DYSF: variants seen among roughly 807,000 people sequenced by gnomAD.
The protein encoded by DYSF is dysferlin.
DYSF carries 212 observed loss-of-function variants against 274.9 expected under a neutral mutation model. The observed-to-expected ratio is 0.77, with a 90% CI of 0.69 to 0.86. The LOEUF (loss-of-function observed/expected upper bound fraction) is 0.86. Among genes scored for constraint, DYSF ranks in the 40% least tolerant of loss-of-function variants. The pLI, the probability that DYSF is intolerant of heterozygous loss-of-function variation, is 0.00. For missense variants in DYSF, 2,666 were observed against 2,783.2 expected, an observed-to-expected ratio of 0.96 and a Z score of 0.95; for synonymous variants, 1,091 against 1,078.7, an observed-to-expected ratio of 1.01 and a Z score of -0.22.
In DYSF at chr2:71,551,730, G is replaced by A. The variant is rs757667944; in HGVS notation, c.1806+10G>A. The A allele has an allele frequency of 5.0e-6, 8 of 1,593,414 alleles. No homozygotes were observed. Among genetic ancestry groups the A allele is most frequent in the South Asian group, 2.3e-5 (2 of 87,736 alleles). On this transcript the variant is annotated intron_variant, in intron 19 of 55. Coordinates refer to ENST00000410020, the MANE Select transcript of DYSF (RefSeq NM_001130987.2). ...CATCCTCCGGGTGGAGGTGAGGGGT[G>A]TGGCTCTGGGTGGGAGCTGGGCGTC...
intron 22 of DYSF, 119 bp downstream of exon 22, chr2:71,556,190 C>A: frequency 2.4e-6 from 2 of 832,218 alleles, no homozygotes; most frequent in Non-Finnish European, 3.9e-6. Flanking sequence ...GCTTGGCCAG[C>A]AGTCCAGCCC....
At chr2:71,528,989 C>A (rs751561419) in intron 14 of DYSF, among the ~76,000 whole-genome samples, 1 of 152,098 alleles carries the variant, frequency 6.6e-6, no homozygotes, top group Non-Finnish European at 1.5e-5. Flanking sequence ...CCAGCCCTCC[C>A]AGGCTTCAGC....
Position 71,593,130 on chromosome 2 carries a change from T to C in DYSF, c.3574+2842T>C, listed in dbSNP as rs1037164343. Among the ~76,000 whole-genome samples, 527 of 137,090 alleles carry C rather than the reference T, an allele frequency of 3.8e-3. 5 individuals are homozygous for C. Among genetic ancestry groups the C allele is most frequent in the African/African-American group, 0.014 (507 of 35,620 alleles). The allele number at this position is 137,090 out of a possible 152,430, so 89.9% of individuals were successfully genotyped here. On this transcript the variant is annotated intron_variant, in intron 32 of 55. Coordinates refer to ENST00000410020, the MANE Select transcript of DYSF (RefSeq NM_001130987.2). ...GATACTTAATTCAGTGACTTCTTTT[T>C]TTTTTTTTTTTTTTTTTTTGAGACA... is the stretch of plus-strand genomic sequence containing the variant.
chr2:71,656,045 C>G (rs1053144066), intron 42 of DYSF, 117 bp from the exon 43 acceptor site: 5 of 1,321,868 alleles, frequency 3.8e-6, no homozygotes, highest in Non-Finnish European at 5.4e-6. Context: ...TTCCTTCTCT[C>G]TCTTTATTCA....
chr2:71,667,646 TCA>T (rs1026437664), intron 48 of DYSF, 131 bp downstream of exon 48: 2 of 1,414,388 alleles, frequency 1.4e-6, no homozygotes, highest in African/African-American at 2.9e-5. Context: ...ACCCATTTCT[TCA>T]CAGTCTGAGT....
intron 4 of DYSF, among the ~76,000 whole-genome samples, chr2:71,507,144 A>G (rs11686031): frequency 0.68 from 103,543 of 151,976 alleles, 36,472 homozygotes; most frequent in Non-Finnish European, 0.77. Flanking sequence ...ACGGTGTGGA[A>G]GAGTTACACT....
At chr2:71,563,145 G>A (rs777983751) in intron 23 of DYSF, among the ~76,000 whole-genome samples, 1 of 152,208 alleles carries the variant, frequency 6.6e-6, no homozygotes, top group African/African-American at 2.4e-5. Context: ...TGCTGCTGCT[G>A]TGGGTGCCAC....
intron 4 of DYSF, among the ~76,000 whole-genome samples, chr2:71,504,895 A>T (rs1396422975): frequency 6.6e-6 from 1 of 152,100 alleles, no homozygotes; most frequent in African/African-American, 2.4e-5. Context: ...TCTGGGCTTC[A>T]TGTTTACCAG....
At chr2:71,486,912 T>C (rs1018389792) in intron 3 of DYSF, among the ~76,000 whole-genome samples, 6 of 152,354 alleles carry the variant, frequency 3.9e-5, no homozygotes, top group African/African-American at 1.4e-4. Flanking sequence ...TCCAGGTCCC[T>C]GACCAGCTGT....
chr2:71,534,902 C>T (rs2089151032), intron 14 of DYSF, 119 bp from the exon 15 acceptor site: 4 of 1,056,416 alleles, frequency 3.8e-6, no homozygotes, highest in Non-Finnish European at 5.9e-6. Flanking sequence ...CAGGGTCTTA[C>T]ACCCAGCCCT....
chr2:71,513,091 G>A, intron 5 of DYSF, 149 bp from the exon 6 acceptor site: 2 of 755,376 alleles, frequency 2.6e-6, no homozygotes, highest in South Asian at 1.5e-5. Flanking sequence ...AGGAACAGGT[G>A]CCACTGGGCT....
At chr2:71,559,928 G>GT (rs1487038904) in intron 22 of DYSF, among the ~76,000 whole-genome samples, 1 of 152,226 alleles carries the variant, frequency 6.6e-6, no homozygotes, top group Non-Finnish European at 1.5e-5. Flanking sequence ...TTTCAGGCCG[G>GT]ACACTGCCCA....
At chr2:71,571,494 G>GCA (rs2092448695) in intron 29 of DYSF, among the ~76,000 whole-genome samples, 2 of 25,336 alleles carry the variant, frequency 7.9e-5, no homozygotes, top group African/African-American at 2.1e-4. Context: ...CACCCAGCAC[G>GCA]CACAGATCAC....
chr2:71,621,364 A>G (rs2094094875), intron 41 of DYSF, among the ~76,000 whole-genome samples: 1 of 152,122 alleles, frequency 6.6e-6, no homozygotes, highest in African/African-American at 2.4e-5. Context: ...GGCTATCGAT[A>G]TACATATTTT....
rs1214113409 is a variant in DYSF, at chr2:71,513,222, G to C, written c.461-18G>C. ...CTCCTCCCTCCCCTCCCGGGGTTATGCCCTGCCCACAAGACAGGCGGGGGA... is the reference window on the plus strand; with the variant it reads ...CTCCTCCCTCCCCTCCCGGGGTTATCCCCTGCCCACAAGACAGGCGGGGGA... On this transcript the variant is annotated intron_variant, in intron 5 of 55. Coordinates refer to ENST00000410020, the MANE Select transcript of DYSF (RefSeq NM_001130987.2). The C allele has an allele frequency of 1.4e-5, 21 of 1,551,104 alleles. No individual in the cohort carries two copies. Among genetic ancestry groups the C allele is most frequent in the Non-Finnish European group, 1.7e-5 (19 of 1,146,588 alleles).
chr2:71,502,079 C>CTGTGTGTG lies in DYSF; in HGVS notation c.240-1099_240-1092dup, dbSNP rs71402986. Among the ~76,000 whole-genome samples the CTGTGTGTG allele has an allele frequency of 5.6e-3, 808 of 143,888 alleles. 8 individuals are homozygous for CTGTGTGTG. Among genetic ancestry groups the CTGTGTGTG allele is most frequent in the African/African-American group, 0.019 (736 of 38,136 alleles). The allele number at this position is 143,888 out of a possible 152,430, so 94.4% of individuals were successfully genotyped here. ...ACTTGTGATTTTTCTCTCCATGACT[C>CTGTGTGTG]TGTGTGTGTGTGTGTGTGTGTGTGT... On this transcript the variant is annotated intron_variant, in intron 3 of 55. Transcript: ENST00000410020.
intron 18 of DYSF, 59 bp from the exon 19 acceptor site, chr2:71,551,548 T>C: frequency 6.8e-7 from 1 of 1,472,268 alleles, no homozygotes; most frequent in Non-Finnish European, 9.3e-7. Flanking sequence ...AGGGTGCCCC[T>C]TTCCTTCCCC....
At chr2:71,555,112 T>C (rs734248) in intron 21 of DYSF, among the ~76,000 whole-genome samples, 104,224 of 151,856 alleles carry the variant, frequency 0.69, 36,676 homozygotes, top group African/African-American at 0.75. Flanking sequence ...GCCATGGTGG[T>C]CCCACCTTCC....
chr2:71,457,103 A>G (rs2081098763), intron 1 of DYSF, among the ~76,000 whole-genome samples: 1 of 152,206 alleles, frequency 6.6e-6, no homozygotes, highest in Admixed American at 6.5e-5. Flanking sequence ...TGTTTCTTGA[A>G]AATCCCACCA....
Sources: gnomAD v4.1 joint callset for allele counts (sites outside exome capture counted in the v4.1 genomes callset) on GRCh38, gnomAD v4.1.1 for gene constraint, MANE v1.5 for transcripts, NCBI Gene and HGNC (gene_info 2026-07-23, HGNC 2026-07-21) for gene names.